HS3ST4: variants seen among roughly 807,000 people sequenced by gnomAD.
HS3ST4 encodes the protein heparan sulfate-glucosamine 3-sulfotransferase 4.
A neutral mutation model predicts 29.2 loss-of-function variants in HS3ST4; 17 were observed. That is an observed-to-expected ratio of 0.58 (90% confidence interval 0.40 to 0.87). The LOEUF (loss-of-function observed/expected upper bound fraction) is 0.87, where lower values mean the gene tolerates loss of function less well. Ranked by LOEUF, HS3ST4 falls within the 40% of genes least tolerant of loss-of-function variation. The pLI, the probability that HS3ST4 is intolerant of heterozygous loss-of-function variation, is 0.00. For synonymous variants in HS3ST4, 314 were observed against 285.7 expected, an observed-to-expected ratio of 1.10 and a Z score of -1.00; for missense variants, 627 against 634.5, an observed-to-expected ratio of 0.99 and a Z score of 0.13.
At chr16:25,920,508 G>C (rs957017529) in intron 1 of HS3ST4, among the ~76,000 whole-genome samples, 3 of 151,634 alleles carry the variant, frequency 2.0e-5, no homozygotes, top group African/African-American at 7.3e-5. Flanking sequence ...GCCCTCCCTG[G>C]TCCCAGGGAC....
At chr16:25,864,216 G>A (rs922356238) in intron 1 of HS3ST4, among the ~76,000 whole-genome samples, 1 of 152,186 alleles carries the variant, frequency 6.6e-6, no homozygotes, top group African/African-American at 2.4e-5. Flanking sequence ...TATTTACGGT[G>A]TGCAACATGA....
intron 1 of HS3ST4, among the ~76,000 whole-genome samples, chr16:25,847,874 A>G (rs1967481554): frequency 6.6e-6 from 1 of 152,156 alleles, no homozygotes; most frequent in Admixed American, 6.5e-5. Flanking sequence ...CTAAATTAAA[A>G]TTACTTATCT....
intron 1 of HS3ST4, among the ~76,000 whole-genome samples, chr16:25,815,045 T>C (rs920291421): frequency 1.3e-5 from 2 of 152,218 alleles, no homozygotes; most frequent in South Asian, 4.1e-4. Context: ...TGGGACACAG[T>C]GACCATGCAG....
chr16:25,763,550 C>T (rs1966801528), intron 1 of HS3ST4, among the ~76,000 whole-genome samples: 1 of 152,056 alleles, frequency 6.6e-6, no homozygotes, highest in African/African-American at 2.4e-5. Context: ...TAATTGTGTG[C>T]AGTAATAGAC....
At chr16:25,979,120 C>T (rs951290778) in intron 1 of HS3ST4, among the ~76,000 whole-genome samples, 20 of 152,080 alleles carry the variant, frequency 1.3e-4, no homozygotes, top group Admixed American at 9.8e-4. Context: ...TGGTCTCGAA[C>T]TCCGGACCTC....
At chr16:25,987,409 G>A (rs935430234) in intron 1 of HS3ST4, among the ~76,000 whole-genome samples, 5 of 151,720 alleles carry the variant, frequency 3.3e-5, no homozygotes, top group Non-Finnish European at 7.4e-5. Context: ...AGTTTTCTTT[G>A]TGCCTGTAAG....
chr16:26,048,979 A>T (rs1226610115), intron 1 of HS3ST4, among the ~76,000 whole-genome samples: 1 of 152,132 alleles, frequency 6.6e-6, no homozygotes, highest in Non-Finnish European at 1.5e-5. Flanking sequence ...TATTGAGAAA[A>T]AACGGAGATA....
chr16:25,770,730 C>T (rs1263114289), intron 1 of HS3ST4, among the ~76,000 whole-genome samples: 1 of 152,166 alleles, frequency 6.6e-6, no homozygotes, highest in Admixed American at 6.6e-5. Flanking sequence ...CTGCTTGCTT[C>T]CTGATACATT....
intron 1 of HS3ST4, among the ~76,000 whole-genome samples, chr16:25,853,222 T>C (rs956649037): frequency 5.9e-5 from 9 of 152,148 alleles, no homozygotes; most frequent in African/African-American, 1.9e-4. Context: ...GATTTTCGTA[T>C]GTTTATTTCA....
At chr16:26,072,342 G>A (rs1191499004) in intron 1 of HS3ST4, among the ~76,000 whole-genome samples, 1 of 152,160 alleles carries the variant, frequency 6.6e-6, no homozygotes, top group Admixed American at 6.5e-5. Flanking sequence ...TCTTCTACCT[G>A]CTGTCTGGAA....
chr16:26,084,982 G>T (rs1317962423), intron 1 of HS3ST4, among the ~76,000 whole-genome samples: 1 of 152,124 alleles, frequency 6.6e-6, no homozygotes, highest in Non-Finnish European at 1.5e-5. Flanking sequence ...ATAGCATAAT[G>T]CTCCCTGAAG....
intron 1 of HS3ST4, among the ~76,000 whole-genome samples, chr16:25,878,334 A>G (rs1231984973): frequency 6.6e-6 from 1 of 152,136 alleles, no homozygotes; most frequent in East Asian, 1.9e-4. Context: ...TATGTTAATC[A>G]TTCCCAGATT....
chr16:25,868,857 A>C (rs1967721460), intron 1 of HS3ST4, among the ~76,000 whole-genome samples: 1 of 152,150 alleles, frequency 6.6e-6, no homozygotes, highest in Non-Finnish European at 1.5e-5. Context: ...CCAGATTAAA[A>C]GATTTCTAGG....
chr16:26,111,842 C>G (rs1379378490), intron 1 of HS3ST4, among the ~76,000 whole-genome samples: 2 of 151,990 alleles, frequency 1.3e-5, no homozygotes, highest in African/African-American at 4.8e-5. Context: ...CATGGTGAAA[C>G]CCCATCTCTA....
At chr16:25,939,007 G>A (rs959824732) in intron 1 of HS3ST4, among the ~76,000 whole-genome samples, 2 of 152,136 alleles carry the variant, frequency 1.3e-5, no homozygotes, top group African/African-American at 4.8e-5. Flanking sequence ...TTTAGTTAGT[G>A]ATCAGCGATG....
chr16:25,994,946 A>G (rs1969145984), intron 1 of HS3ST4, among the ~76,000 whole-genome samples: 1 of 152,182 alleles, frequency 6.6e-6, no homozygotes, highest in Non-Finnish European at 1.5e-5. Context: ...CCATGTACCT[A>G]CTGAATAAAA....
At chr16:26,054,266 G>C in intron 1 of HS3ST4, among the ~76,000 whole-genome samples, 1 of 143,412 alleles carries the variant, frequency 7.0e-6, no homozygotes, top group East Asian at 2.1e-4. Context: ...GAGACAGAGA[G>C]AGGGAGAGAG....
At chr16:25,932,635 G>C (rs887935709) in intron 1 of HS3ST4, among the ~76,000 whole-genome samples, 4 of 152,140 alleles carry the variant, frequency 2.6e-5, no homozygotes, top group African/African-American at 9.7e-5. Flanking sequence ...ACAATACCTG[G>C]TATATTAGAT....
chr16:26,076,453 C>T (rs1898666126), intron 1 of HS3ST4, among the ~76,000 whole-genome samples: 2 of 152,038 alleles, frequency 1.3e-5, no homozygotes, highest in Non-Finnish European at 2.9e-5. Context: ...TACAAGAATG[C>T]CTGCAGTGAA....
Sources: gnomAD v4.1 joint callset for allele counts (sites outside exome capture counted in the v4.1 genomes callset) on GRCh38, gnomAD v4.1.1 for gene constraint, MANE v1.5 for transcripts, NCBI Gene and HGNC (gene_info 2026-07-23, HGNC 2026-07-21) for gene names.